DTHD1: variants seen among roughly 807,000 people sequenced by gnomAD.
DTHD1 encodes death domain-containing protein 1.
DTHD1 carries 59 observed loss-of-function variants against 74.8 expected under a neutral mutation model. The observed-to-expected ratio is 0.79, with a 90% CI of 0.64 to 0.98. DTHD1 has a LOEUF of 0.98. DTHD1 is among the 50% of genes least tolerant of loss of function. The probability of loss-of-function intolerance (pLI) is 0.00; values close to 1 mark genes in which losing one functional copy is unlikely to be tolerated. For synonymous variants in DTHD1, 365 were observed against 371.1 expected (o/e 0.98, Z 0.19); for missense variants, 1,051 against 1,065.4 (o/e 0.99, Z 0.19).
intron 5 of DTHD1, among the ~76,000 whole-genome samples, chr4:36,299,658 T>C (rs1367911067): frequency 6.6e-6 from 1 of 152,228 alleles, no homozygotes; most frequent in Non-Finnish European, 1.5e-5. Flanking sequence ...TAGATGTATA[T>C]ATGACCACCT....
intron 1 of DTHD1, among the ~76,000 whole-genome samples, chr4:36,282,284 A>T (rs1021831926): frequency 6.6e-6 from 1 of 152,106 alleles, no homozygotes; most frequent in Non-Finnish European, 1.5e-5. Flanking sequence ...TAGGGTGGGG[A>T]ATTGAGAAGT....
intron 4 of DTHD1, 130 bp from the exon 5 acceptor site, chr4:36,294,665 A>T: frequency 2.6e-6 from 2 of 778,112 alleles, no homozygotes; most frequent in East Asian, 3.1e-5. Flanking sequence ...ATTGTTGATT[A>T]CAACTAACAA....
intron 8 of DTHD1, among the ~76,000 whole-genome samples, chr4:36,329,909 G>A (rs1758571414): frequency 6.6e-6 from 1 of 152,232 alleles, no homozygotes; most frequent in South Asian, 2.1e-4. Context: ...TATTTTTAAG[G>A]TTTTCTAGTA....
chr4:36,326,598 A>G (rs1212876421), intron 8 of DTHD1, among the ~76,000 whole-genome samples: 2 of 152,238 alleles, frequency 1.3e-5, no homozygotes, highest in African/African-American at 2.4e-5. Flanking sequence ...GGTTGAGAGC[A>G]CTGCTCATTC....
rs1757192630 is a variant in DTHD1, at chr4:36,308,492, A to T, written c.2094A>T (p.Ser698=). 6.5e-7 allele frequency: 1 copy of T among 1,547,358 alleles called. No homozygotes were observed. The highest frequency in any genetic ancestry group is 8.7e-7 in the Non-Finnish European group (1 of 1,144,722). Residue 698 remains serine, a splice_region_variant and synonymous_variant, in exon 7 of 10, where the codon TCA becomes TCT. Coordinates refer to ENST00000639862, the MANE Select transcript of DTHD1 (RefSeq NM_001170700.3). The part of the protein sequence containing the change: ...LLRFTGNIFA[S]SNGKDYGKDY... Reference sequence around the variant, plus strand: ...GATTTACTGGAAACATATTTGCTTCAAGTAAGTATAAAGAAATCTTTTTAT... The same window carrying T: ...GATTTACTGGAAACATATTTGCTTCTAGTAAGTATAAAGAAATCTTTTTAT...
rs917865362 is a variant in DTHD1, at chr4:36,308,510, C to A, written c.2095+17C>A. On this transcript the variant is annotated intron_variant, in intron 7 of 9. Transcript: ENST00000639862. Reference sequence around the variant, plus strand: ...TTGCTTCAAGTAAGTATAAAGAAATCTTTTTATATATTTTATTGGCTATAA... The same window carrying A: ...TTGCTTCAAGTAAGTATAAAGAAATATTTTTATATATTTTATTGGCTATAA... 15 of 1,525,956 alleles carry A rather than the reference C, an allele frequency of 9.8e-6. No homozygotes were observed. Among genetic ancestry groups the A allele is most frequent in the South Asian group, 1.2e-5 (1 of 81,034 alleles). 94.5% of individuals were successfully genotyped at this position (1,525,956 alleles called of 1,614,324 possible). A position where few individuals can be genotyped will look rare whatever the true frequency, so the allele number is the denominator to read the frequency against.
At position 36,294,939 on chromosome 4, in the gene DTHD1, TG is replaced by T. The variant is rs1234076224; in HGVS notation, c.1544del (p.Cys515PhefsTer14). 6.4e-7 allele frequency: 1 copy of T among 1,551,820 alleles called. No individual in the cohort carries two copies. The highest frequency in any genetic ancestry group is 1.2e-5 in the South Asian group (1 of 84,054). On this transcript the variant is annotated frameshift_variant, in exon 5 of 10. Coordinates refer to ENST00000639862, the MANE Select transcript of DTHD1 (RefSeq NM_001170700.3). LOFTEE classifies it high-confidence loss of function. ...GAAGCCAGTCACTTTGTTTTTACCT[TG>T]TTCTCCATACCTTGATAAAAACAAC... is the stretch of plus-strand genomic sequence containing the variant. Reference protein sequence around the residue: ...FQKPVTLFLPCSPYLDKNNLG... With the variant: ...FQKPVTLFLPXSPYLDKNNLG...
Position 36,291,799 on chromosome 4 carries a change from G to T in DTHD1, c.1218+1096G>T, listed in dbSNP as rs1444487632. 2.0e-5 allele frequency among the ~76,000 whole-genome samples: 3 copies of T among 152,222 alleles called. No individual in the cohort carries two copies. The East Asian group carries it at 5.8e-4, about 29-fold the overall frequency. On this transcript the variant is annotated intron_variant, in intron 3 of 9. Coordinates refer to ENST00000639862, the MANE Select transcript of DTHD1 (RefSeq NM_001170700.3). ...GCCGAGATCGCACCCCTGCACTCCA[G>T]CCTGGGCAATAAGAGTGAAACTCTG...
At chr4:36,299,210 C>A (rs1274286910) in intron 5 of DTHD1, among the ~76,000 whole-genome samples, 1 of 152,126 alleles carries the variant, frequency 6.6e-6, no homozygotes, top group Non-Finnish European at 1.5e-5. Flanking sequence ...TCTCTGGCAG[C>A]ACTCTATAGG....
chr4:36,309,444 T>G lies in DTHD1; in HGVS notation c.2095+951T>G, dbSNP rs529904310. Among the ~76,000 whole-genome samples, 30 of 152,308 alleles carry G rather than the reference T, an allele frequency of 2.0e-4. No homozygotes were observed. In the South Asian group the frequency reaches 5.6e-3, roughly 28 times the overall value. On this transcript the variant is annotated intron_variant, in intron 7 of 9. Transcript: ENST00000639862. The stretch of plus-strand genomic sequence containing the variant: ...TTGCAGTGAGCCGAGATACCTTGCT[T>G]GCTTCTTTTCCCATATTTCTCTAGT...
chr4:36,293,607 ACAAAGAAAGG>A lies in DTHD1; in HGVS notation c.1302_1311del (p.Lys435SerfsTer13), dbSNP rs1756213756. ...TTTAAAGAAAGAGTCGTTCACAGTA[ACAAAGAAAGG>A]CCTCGCTCTTAAGTCAAGCATGGAT... is the stretch of plus-strand genomic sequence containing the variant. On this transcript the variant is annotated frameshift_variant, in exon 4 of 10. Transcript: ENST00000639862. LOFTEE classifies it high-confidence loss of function. 1 of 1,549,700 alleles carries A rather than the reference ACAAAGAAAGG, an allele frequency of 6.5e-7. No individual in the cohort carries two copies. The highest frequency in any genetic ancestry group is 1.2e-5 in the South Asian group (1 of 83,834).
At chr4:36,304,669 A>G (rs954269065) in intron 5 of DTHD1, among the ~76,000 whole-genome samples, 4 of 152,152 alleles carry the variant, frequency 2.6e-5, no homozygotes, top group South Asian at 2.1e-4. Context: ...TTTTTCCCCA[A>G]AGATGTTCAG....
At chr4:36,294,327 C>G (rs184640513) in intron 4 of DTHD1, among the ~76,000 whole-genome samples, 13 of 151,906 alleles carry the variant, frequency 8.6e-5, no homozygotes, top group Non-Finnish European at 5.9e-5. Flanking sequence ...AGGAAGAAAA[C>G]ATATAATAAA....
Position 36,284,050 on chromosome 4 carries a change from G to A in DTHD1, c.346G>A (p.Glu116Lys). Residue 116 changes from glutamate to lysine, a missense_variant, in exon 2 of 10, where the codon GAA becomes AAA. Transcript: ENST00000639862. ...LGSTAALLKK[E>K]EKEICNLCGM... ...GAGCACTGCTGCACTTCTAAAGAAAGAAGAAAAGGAGATTTGTAATTTATG... is the reference window on the plus strand; with the variant it reads ...GAGCACTGCTGCACTTCTAAAGAAAAAAGAAAAGGAGATTTGTAATTTATG... 2 of 1,537,144 alleles carry A rather than the reference G, an allele frequency of 1.3e-6. No homozygotes were observed. The highest frequency in any genetic ancestry group is 1.2e-5 in the South Asian group (1 of 84,062).
chr4:36,325,609 A>G (rs1387440116), intron 8 of DTHD1, among the ~76,000 whole-genome samples: 2 of 152,204 alleles, frequency 1.3e-5, no homozygotes, highest in Admixed American at 6.5e-5. Context: ...AGAGAGATTC[A>G]GGATTTGAGA....
intron 5 of DTHD1, among the ~76,000 whole-genome samples, chr4:36,302,699 A>G (rs1301784654): frequency 1.3e-5 from 2 of 152,238 alleles, no homozygotes; most frequent in African/African-American, 4.8e-5. Flanking sequence ...ACTTCAGGCA[A>G]TGTGGCTATG....
At chr4:36,326,854 G>C (rs1284182167) in intron 8 of DTHD1, among the ~76,000 whole-genome samples, 2 of 152,148 alleles carry the variant, frequency 1.3e-5, no homozygotes, top group Non-Finnish European at 2.9e-5. Flanking sequence ...GACATTTTGT[G>C]TGTGGCTGTC....
intron 8 of DTHD1, chr4:36,333,811 G>T (rs1758841811): frequency 6.6e-6 from 1 of 152,212 alleles, no homozygotes; most frequent in South Asian, 2.1e-4. Context: ...GCTGAGCACT[G>T]GGGGGCACCT....
At position 36,327,480 on chromosome 4, in the gene DTHD1, G is replaced by C. The variant is rs551316685; in HGVS notation, c.2340+10994G>C. Among the ~76,000 whole-genome samples the C allele has an allele frequency of 2.6e-5, 4 of 152,304 alleles. No homozygotes were observed. In the South Asian group the frequency reaches 8.3e-4, roughly 32 times the overall value. ...TTGATTTGTTGAGCTGCTTTAAGAA[G>C]TAATAGCGTCTTCCACGTAGCTGCA... On this transcript the variant is annotated intron_variant, in intron 8 of 9. Coordinates refer to ENST00000639862, the MANE Select transcript of DTHD1 (RefSeq NM_001170700.3).
Sources: gnomAD v4.1 joint callset for allele counts (sites outside exome capture counted in the v4.1 genomes callset) on GRCh38, gnomAD v4.1.1 for gene constraint, MANE v1.5 for transcripts, NCBI Gene and HGNC (gene_info 2026-07-23, HGNC 2026-07-21) for gene names.